Variants in ZMAT4 observed in about 807,000 individuals in gnomAD.
ZMAT4 encodes zinc finger matrin-type protein 4.
ZMAT4 carries 17 observed loss-of-function variants against 28.7 expected under a neutral mutation model. That is an observed-to-expected ratio of 0.59 (90% CI 0.41 to 0.89). ZMAT4 has a LOEUF of 0.89. Among genes scored for constraint, ZMAT4 ranks in the 40% least tolerant of loss-of-function variants. The pLI, the probability that ZMAT4 is intolerant of heterozygous loss-of-function variation, is 0.00. For missense variants in ZMAT4, 240 were observed against 283.8 expected (o/e 0.85, Z 1.11); for synonymous variants, 117 against 109.2 (o/e 1.07, Z -0.44).
At chr8:40,672,431 C>T (rs772136151) in intron 5 of ZMAT4, among the ~76,000 whole-genome samples, 22 of 152,080 alleles carry the variant, frequency 1.4e-4, no homozygotes, top group Non-Finnish European at 2.5e-4. Context: ...TCACCTGGAG[C>T]GTGTGGAAAG....
intron 1 of ZMAT4, among the ~76,000 whole-genome samples, chr8:40,845,776 T>TAAAAAAAAA (rs71224858): frequency 7.7e-6 from 1 of 129,634 alleles, no homozygotes; most frequent in Admixed American, 7.6e-5. Context: ...ACTTAGTAGT[T>TAAAAAAAAA]AAAAAAAAAA....
chr8:40,609,475 G>A (rs1585753087), intron 5 of ZMAT4, among the ~76,000 whole-genome samples: 1 of 152,086 alleles, frequency 6.6e-6, no homozygotes, highest in African/African-American at 2.4e-5. Context: ...CTGAGGGCTG[G>A]CAGTATGTTT....
At chr8:40,769,058 G>A (rs1813280022) in intron 2 of ZMAT4, among the ~76,000 whole-genome samples, 1 of 152,104 alleles carries the variant, frequency 6.6e-6, no homozygotes, top group African/African-American at 2.4e-5. Flanking sequence ...ATTCTGTCTA[G>A]AGCAACAAAA....
chr8:40,758,565 T>C (rs4500068), intron 3 of ZMAT4, among the ~76,000 whole-genome samples: 63,975 of 151,874 alleles, frequency 0.42, 13,909 homozygotes, highest in Middle Eastern at 0.52. Context: ...TAAATGACAA[T>C]GTCTAATTTA....
intron 6 of ZMAT4, among the ~76,000 whole-genome samples, chr8:40,535,848 G>A (rs1480794081): frequency 7.9e-5 from 12 of 152,158 alleles, no homozygotes; most frequent in Admixed American, 4.6e-4. Context: ...AAAAAACAGA[G>A]CAGAACATCC....
At chr8:40,875,402 G>A (rs568145355) in intron 1 of ZMAT4, among the ~76,000 whole-genome samples, 3 of 152,146 alleles carry the variant, frequency 2.0e-5, no homozygotes, top group Admixed American at 6.5e-5. Context: ...TGATAAGCTT[G>A]TTGTTGTTAC....
At chr8:40,578,397 A>G (rs1315285895) in intron 6 of ZMAT4, among the ~76,000 whole-genome samples, 1 of 152,176 alleles carries the variant, frequency 6.6e-6, no homozygotes, top group Non-Finnish European at 1.5e-5. Flanking sequence ...AGGAAAAACA[A>G]CATAATATCA....
At chr8:40,798,867 T>C (rs890596343) in intron 2 of ZMAT4, among the ~76,000 whole-genome samples, 2 of 145,190 alleles carry the variant, frequency 1.4e-5, no homozygotes, top group Non-Finnish European at 3.0e-5. Context: ...ACCTCTCTTC[T>C]CTACTCCAAG....
intron 5 of ZMAT4, among the ~76,000 whole-genome samples, chr8:40,619,150 A>T (rs571100167): frequency 1.3e-5 from 2 of 152,266 alleles, no homozygotes; most frequent in South Asian, 4.1e-4. Context: ...GGCCACAGGG[A>T]CATCAAAGTG....
intron 3 of ZMAT4, among the ~76,000 whole-genome samples, chr8:40,745,122 G>A (rs537919093): frequency 2.0e-5 from 3 of 152,328 alleles, no homozygotes; most frequent in African/African-American, 7.2e-5. Context: ...AGGCAGGGCC[G>A]ACTCACAGCA....
intron 5 of ZMAT4, among the ~76,000 whole-genome samples, chr8:40,593,805 A>C (rs1019575671): frequency 1.3e-5 from 2 of 152,122 alleles, no homozygotes; most frequent in Non-Finnish European, 2.9e-5. Flanking sequence ...ATTCACATAC[A>C]AGCCAGCTGT....
At chr8:40,757,265 G>A (rs950384534) in intron 3 of ZMAT4, among the ~76,000 whole-genome samples, 1 of 152,124 alleles carries the variant, frequency 6.6e-6, no homozygotes, top group Non-Finnish European at 1.5e-5. Flanking sequence ...GACTACAAAT[G>A]TGTGCCAGTA....
chr8:40,834,947 A>G (rs765595948), intron 1 of ZMAT4, among the ~76,000 whole-genome samples: 1 of 152,234 alleles, frequency 6.6e-6, no homozygotes, highest in Non-Finnish European at 1.5e-5. Context: ...CCAAGGTGTC[A>G]GGCGGTAATG....
chr8:40,706,553 A>G (rs1476383151), intron 3 of ZMAT4, among the ~76,000 whole-genome samples: 1 of 152,148 alleles, frequency 6.6e-6, no homozygotes, highest in Non-Finnish European at 1.5e-5. Context: ...TCATGGACAC[A>G]CTGGCATCTT....
intron 5 of ZMAT4, among the ~76,000 whole-genome samples, chr8:40,660,845 C>T (rs375358744): frequency 9.2e-5 from 14 of 152,174 alleles, no homozygotes; most frequent in African/African-American, 2.4e-4. Context: ...TACCTTATCT[C>T]TATGCTTTTA....
intron 1 of ZMAT4, among the ~76,000 whole-genome samples, chr8:40,858,004 G>A (rs1817357019): frequency 6.6e-6 from 1 of 152,194 alleles, no homozygotes; most frequent in Non-Finnish European, 1.5e-5. Context: ...GATTGCCTCT[G>A]GGGAATGGGA....
chr8:40,821,949 A>T (rs1020805214), intron 2 of ZMAT4, among the ~76,000 whole-genome samples: 1 of 152,206 alleles, frequency 6.6e-6, no homozygotes, highest in African/African-American at 2.4e-5. Context: ...GGAGGCATGG[A>T]TAAATCATGA....
At chr8:40,859,629 T>A (rs1817421311) in intron 1 of ZMAT4, among the ~76,000 whole-genome samples, 1 of 152,176 alleles carries the variant, frequency 6.6e-6, no homozygotes, top group Non-Finnish European at 1.5e-5. Context: ...CCTCTACAAG[T>A]CTATACATGT....
At chr8:40,803,757 C>G (rs1814956988) in intron 2 of ZMAT4, among the ~76,000 whole-genome samples, 1 of 152,042 alleles carries the variant, frequency 6.6e-6, no homozygotes, top group Admixed American at 6.6e-5. Context: ...AAAACTTGTG[C>G]CCACAAAAAA....
Sources: gnomAD v4.1 joint callset for allele counts (sites outside exome capture counted in the v4.1 genomes callset) on GRCh38, gnomAD v4.1.1 for gene constraint, MANE v1.5 for transcripts, NCBI Gene and HGNC (gene_info 2026-07-23, HGNC 2026-07-21) for gene names.